Variants in EXD3 observed in about 807,000 individuals in gnomAD.
EXD3 encodes exonuclease 3'-5' domain containing 3, also known as exonuclease mut-7 homolog.
In EXD3, 92 loss-of-function variants were observed where a neutral mutation model predicts 98.0. That is an observed-to-expected ratio of 0.94 (90% CI 0.79 to 1.12). The LOEUF (loss-of-function observed/expected upper bound fraction) is 1.12. Ranked by LOEUF, EXD3 falls within the 50% of genes most tolerant of loss-of-function variation. The pLI, the probability that EXD3 is intolerant of heterozygous loss-of-function variation, is 0.00. For missense variants in EXD3, 1,222 were observed against 1,191.6 expected, an observed-to-expected ratio of 1.03 and a Z score of -0.38; for synonymous variants, 569 against 526.0, an observed-to-expected ratio of 1.08 and a Z score of -1.12.
At chr9:137,315,587 C>T (rs1831605385) in intron 19 of EXD3, among the ~76,000 whole-genome samples, 2 of 152,106 alleles carry the variant, frequency 1.3e-5, no homozygotes, top group African/African-American at 4.8e-5. Context: ...CCGGGTCTCC[C>T]ACTCACATGG....
At chr9:137,416,307 C>A (rs1347141609) in intron 1 of EXD3, among the ~76,000 whole-genome samples, 2 of 152,248 alleles carry the variant, frequency 1.3e-5, no homozygotes, top group Admixed American at 1.3e-4. Context: ...GAGGGACCCA[C>A]AGGGACAAAG....
At chr9:137,328,593 TA>T (rs1832645377) in intron 17 of EXD3, among the ~76,000 whole-genome samples, 1 of 52,002 alleles carries the variant, frequency 1.9e-5, no homozygotes, top group Non-Finnish European at 3.7e-5. Flanking sequence ...TACACGGGAC[TA>T]CACGGGACTA....
chr9:137,389,774 T>C (rs958448695), intron 2 of EXD3, among the ~76,000 whole-genome samples: 5 of 152,132 alleles, frequency 3.3e-5, no homozygotes, highest in Admixed American at 6.5e-5. Flanking sequence ...GAAAATCTGC[T>C]GAAGAAAAGA....
chr9:137,390,109 G>GA (rs1375329379), intron 2 of EXD3, among the ~76,000 whole-genome samples: 1 of 77,214 alleles, frequency 1.3e-5, no homozygotes, highest in Non-Finnish European at 2.3e-5. Flanking sequence ...GTGACAGAGC[G>GA]AGACTCTGTC....
At chr9:137,348,993 G>C in intron 16 of EXD3, 117 bp downstream of exon 16, 3 of 1,240,272 alleles carry the variant, frequency 2.4e-6, no homozygotes, top group Non-Finnish European at 3.3e-6. Flanking sequence ...CCAGGAGCTG[G>C]GCCCCCTCCA....
chr9:137,353,981 G>C (rs1415265050), intron 10 of EXD3: 2 of 1,103,114 alleles, frequency 1.8e-6, no homozygotes, highest in Non-Finnish European at 2.2e-6. Context: ...GGCTGGGGGG[G>C]CCTGGCCTTC....
At chr9:137,369,599 G>A (rs1264896242) in intron 5 of EXD3, among the ~76,000 whole-genome samples, 1 of 91,544 alleles carries the variant, frequency 1.1e-5, no homozygotes, top group Non-Finnish European at 2.2e-5. Flanking sequence ...CCTCACCGCT[G>A]CTGTCCCCAG....
At chr9:137,370,942 TGAGTCGTG>T (rs1157977758) in intron 5 of EXD3, among the ~76,000 whole-genome samples, 1 of 152,066 alleles carries the variant, frequency 6.6e-6, no homozygotes, top group African/African-American at 2.4e-5. Context: ...CGCAGCACAT[TGAGTCGTG>T]AGTCCCAGCT....
chr9:137,319,134 C>T (rs915436781), intron 19 of EXD3, among the ~76,000 whole-genome samples: 16 of 152,244 alleles, frequency 1.1e-4, no homozygotes, highest in African/African-American at 3.9e-4. Context: ...AAGCCCAGAG[C>T]CAGGCCCCGT....
rs1315522677 is a variant in EXD3, at chr9:137,395,204, G to A, written c.55+99C>T. The A allele has an allele frequency of 7.8e-6, 9 of 1,150,352 alleles. No homozygotes were observed. Among genetic ancestry groups the A allele is most frequent in the South Asian group, 1.2e-5 (1 of 80,494 alleles). The allele number at this position is 1,150,352 out of a possible 1,614,324, so 71.3% of individuals were successfully genotyped here. ...GCTAGGGGCCAGCAGCCTGGCCCTC[G>A]TCACTGAGTACACAGTGGGCGCCAC... On this transcript the variant is annotated intron_variant, in intron 2 of 21. Coordinates refer to ENST00000340951, the MANE Select transcript of EXD3 (RefSeq NM_017820.5). This position sits in a 1 kb window ranked among gnomAD's most constrained non-coding sequence, Gnocchi z 6.5.
chr9:137,355,445 G>GAA lies in EXD3; in HGVS notation c.758-673_758-672insTT, dbSNP rs1324237848. ...AAGGAGGAAGGAGGATGGAGGAAGG[G>GAA]AGGATGGAGGAAGGAGAAAGGAGGA... On this transcript the variant is annotated intron_variant, in intron 8 of 21. Transcript: ENST00000340951. Among the ~76,000 whole-genome samples the GAA allele has an allele frequency of 3.3e-4, 13 of 39,558 alleles. 2 individuals carry two copies. Among genetic ancestry groups the GAA allele is most frequent in the African/African-American group, 7.9e-4 (10 of 12,642 alleles). The allele number at this position is 39,558 out of a possible 152,430, so 26.0% of individuals were successfully genotyped here.
chr9:137,348,541 G>GA (rs1338970184), intron 16 of EXD3, among the ~76,000 whole-genome samples: 1 of 129,396 alleles, frequency 7.7e-6, no homozygotes, highest in Non-Finnish European at 1.7e-5. Flanking sequence ...GGATCACAAG[G>GA]AGGGGGTTAG....
At chr9:137,322,396 A>C (rs565051975) in intron 19 of EXD3, among the ~76,000 whole-genome samples, 69 of 144,204 alleles carry the variant, frequency 4.8e-4, no homozygotes, top group African/African-American at 1.7e-3. Flanking sequence ...TTCTCTGCCA[A>C]CATCTCACCC....
At chr9:137,328,591 A>G (rs72502730) in intron 17 of EXD3, among the ~76,000 whole-genome samples, 2,215 of 18,830 alleles carry the variant, frequency 0.12, 261 homozygotes, top group East Asian at 0.54. Context: ...GCTACACGGG[A>G]CTACACGGGA....
chr9:137,349,315 C>G lies in EXD3; in HGVS notation c.1658-33G>C, dbSNP rs1234757098. 6.4e-7 allele frequency: 1 copy of G among 1,551,894 alleles called. No homozygotes were observed. The highest frequency in any genetic ancestry group is 1.4e-5 in the African/African-American group (1 of 73,756). On this transcript the variant is annotated intron_variant, in intron 15 of 21. Transcript: ENST00000340951. The surrounding 1 kb of genome is among the most constrained non-coding windows in gnomAD (Gnocchi z 7.4). ...GGGAGTCGGCCTCAGCCTCCCGGGACAGAGGGCGGGAGGGGCGTGAGGAGG... is the reference window on the plus strand; with the variant it reads ...GGGAGTCGGCCTCAGCCTCCCGGGAGAGAGGGCGGGAGGGGCGTGAGGAGG...
Position 137,351,105 on chromosome 9 carries a change from C to T in EXD3, c.1427G>A (p.Cys476Tyr). The change falls in exon 14 of 22, where the codon TGC becomes TAC. Residue 476 changes from cysteine to tyrosine, a missense_variant. Transcript: ENST00000340951. ...CTTCTCCACATGGGCCAGGGCGGGG[C>T]AGGACGTGCCCAGTTTTTGCAGGTC... ...VGDLQKLGTS[C>Y]PALAHVEKQI... is the part of the protein sequence containing the mutation. The T allele has an allele frequency of 6.3e-7, 1 of 1,584,380 alleles. No homozygotes were observed. The highest frequency in any genetic ancestry group is 8.6e-7 in the Non-Finnish European group (1 of 1,166,168).
intron 7 of EXD3, among the ~76,000 whole-genome samples, chr9:137,356,961 T>C (rs772217898): frequency 6.6e-5 from 10 of 152,164 alleles, no homozygotes; most frequent in Non-Finnish European, 1.0e-4. Flanking sequence ...CAAGATAAGG[T>C]CCACGGGGTA....
chr9:137,384,883 G>C (rs1328754532), intron 2 of EXD3, among the ~76,000 whole-genome samples: 3 of 152,194 alleles, frequency 2.0e-5, no homozygotes, highest in African/African-American at 7.2e-5. Context: ...TTTGAGGTCA[G>C]GAGTTCGAGA....
intron 1 of EXD3, among the ~76,000 whole-genome samples, chr9:137,413,225 G>A (rs1319298589): frequency 2.0e-5 from 3 of 151,396 alleles, no homozygotes; most frequent in East Asian, 2.0e-4. Context: ...TTTTGAGACG[G>A]AGTCTCACTC....
Sources: gnomAD v4.1 joint callset for allele counts (sites outside exome capture counted in the v4.1 genomes callset) on GRCh38, gnomAD v4.1.1 for gene constraint, Gnocchi (gnomAD v3.1) non-coding constraint, MANE v1.5 for transcripts, NCBI Gene and HGNC (gene_info 2026-07-23, HGNC 2026-07-21) for gene names.